ZNF438: variants seen among roughly 807,000 people sequenced by gnomAD.
ZNF438 encodes zinc finger protein 438.
Under a neutral mutation model 38.0 loss-of-function variants are expected in ZNF438, and 25 were observed. The observed-to-expected ratio is 0.66, with a 90% CI of 0.48 to 0.92. ZNF438 has a LOEUF of 0.92. Among genes scored for constraint, ZNF438 ranks in the 40% least tolerant of loss-of-function variants. The probability of loss-of-function intolerance (pLI) is 0.00; values close to 1 mark genes in which losing one functional copy is unlikely to be tolerated. For missense variants in ZNF438, 1,007 were observed against 999.6 expected (o/e 1.01, Z -0.10); for synonymous variants, 372 against 364.1 (o/e 1.02, Z -0.25).
intron 1 of ZNF438, among the ~76,000 whole-genome samples, chr10:31,025,027 T>C (rs1332130874): frequency 6.6e-6 from 1 of 152,128 alleles, no homozygotes; most frequent in Non-Finnish European, 1.5e-5. Flanking sequence ...TATTATTAGC[T>C]CCAAGAATTA....
At chr10:31,007,334 T>C (rs1189660765) in intron 1 of ZNF438, among the ~76,000 whole-genome samples, 1 of 147,740 alleles carries the variant, frequency 6.8e-6, no homozygotes, top group South Asian at 2.1e-4. Context: ...CTGGCTGAAG[T>C]GCAGTGGCGT....
intron 4 of ZNF438, among the ~76,000 whole-genome samples, chr10:30,873,022 T>C (rs1270236766): frequency 6.6e-6 from 1 of 152,214 alleles, no homozygotes; most frequent in Non-Finnish European, 1.5e-5. Context: ...ATATGGGAAG[T>C]AAATAAATTC....
At chr10:30,951,088 T>C (rs917461248) in intron 1 of ZNF438, among the ~76,000 whole-genome samples, 4 of 143,112 alleles carry the variant, frequency 2.8e-5, no homozygotes, top group African/African-American at 7.7e-5. Context: ...GCAAGGCTGG[T>C]TCAATATACG....
intron 2 of ZNF438, among the ~76,000 whole-genome samples, chr10:30,924,410 AT>A (rs1237370072): frequency 6.6e-6 from 1 of 152,202 alleles, no homozygotes; most frequent in African/African-American, 2.4e-5. Context: ...CAAGGAGGCA[AT>A]CATGATGAAT....
At chr10:30,950,979 C>A (rs202020408) in intron 1 of ZNF438, among the ~76,000 whole-genome samples, 1 of 140,570 alleles carries the variant, frequency 7.1e-6, no homozygotes, top group Non-Finnish European at 1.5e-5. Context: ...CCTTGATGAA[C>A]ATTGATGCAA....
intron 1 of ZNF438, among the ~76,000 whole-genome samples, chr10:30,968,392 A>C (rs911331762): frequency 4.0e-5 from 6 of 151,498 alleles, no homozygotes; most frequent in South Asian, 2.1e-4. Flanking sequence ...AGTTTCTTCA[A>C]TATTCTAAGC....
chr10:30,904,760 C>A (rs2994624), intron 3 of ZNF438, among the ~76,000 whole-genome samples: 118,632 of 152,016 alleles, frequency 0.78, 47,063 homozygotes, highest in African/African-American at 0.89. Context: ...GTCTTTACAC[C>A]TGTTGGCCCC....
intron 1 of ZNF438, among the ~76,000 whole-genome samples, chr10:31,010,891 T>G (rs376229265): frequency 2.3e-5 from 1 of 43,428 alleles, no homozygotes; most frequent in Non-Finnish European, 3.7e-5. Context: ...AGACCCTGTT[T>G]GAAAAAAAAA....
chr10:31,007,529 C>G (rs551015338), intron 1 of ZNF438, among the ~76,000 whole-genome samples: 1 of 152,278 alleles, frequency 6.6e-6, no homozygotes, highest in South Asian at 2.1e-4. Flanking sequence ...ATCTGCCCGC[C>G]TTGGCCTCCC....
intron 1 of ZNF438, among the ~76,000 whole-genome samples, chr10:31,010,537 A>T (rs1298072910): frequency 6.6e-6 from 1 of 152,158 alleles, no homozygotes; most frequent in Non-Finnish European, 1.5e-5. Flanking sequence ...TCTAAACTAT[A>T]GTACATCTAT....
At chr10:31,001,691 A>G (rs768724048) in intron 1 of ZNF438, among the ~76,000 whole-genome samples, 3 of 152,090 alleles carry the variant, frequency 2.0e-5, no homozygotes, top group African/African-American at 7.2e-5. Context: ...AAATTTTGCC[A>G]TAAGTTACAC....
chr10:31,005,226 T>C (rs1348927645), intron 1 of ZNF438, among the ~76,000 whole-genome samples: 2 of 152,130 alleles, frequency 1.3e-5, no homozygotes, highest in Non-Finnish European at 2.9e-5. Flanking sequence ...ACAACCAAAG[T>C]GTCTGTCAAC....
chr10:30,938,777 CTTTATTTA>C (rs61394565), intron 2 of ZNF438, among the ~76,000 whole-genome samples: 157 of 149,664 alleles, frequency 1.0e-3, no homozygotes, highest in Non-Finnish European at 1.8e-3. Flanking sequence ...GGGAAGCAAA[CTTTATTTA>C]TTTATTTATT....
intron 4 of ZNF438, among the ~76,000 whole-genome samples, chr10:30,851,344 A>G (rs570324661): frequency 3.3e-5 from 5 of 152,338 alleles, no homozygotes; most frequent in Admixed American, 6.5e-5. Flanking sequence ...TGAATTATCT[A>G]TTTTATTCTC....
intron 1 of ZNF438, among the ~76,000 whole-genome samples, chr10:30,990,896 C>T (rs950327243): frequency 2.1e-4 from 32 of 151,464 alleles, no homozygotes; most frequent in African/African-American, 7.8e-4. Context: ...CAAGAGACAA[C>T]TTCCAGAATG....
intron 4 of ZNF438, among the ~76,000 whole-genome samples, chr10:30,853,822 C>T (rs943360186): frequency 1.3e-5 from 2 of 151,686 alleles, no homozygotes; most frequent in African/African-American, 4.9e-5. Context: ...CATGGTGAAA[C>T]CGTTTCTACT....
At chr10:30,961,118 G>A in intron 1 of ZNF438, among the ~76,000 whole-genome samples, 1 of 141,152 alleles carries the variant, frequency 7.1e-6, no homozygotes, top group Non-Finnish European at 1.6e-5. Context: ...TATCTTACCA[G>A]ATTTATCTTA....
intron 1 of ZNF438, among the ~76,000 whole-genome samples, chr10:31,014,992 A>G (rs2056069900): frequency 6.6e-6 from 1 of 152,132 alleles, no homozygotes; most frequent in African/African-American, 2.4e-5. Flanking sequence ...TGAGTAGCAG[A>G]GACTACAGGC....
chr10:30,977,831 A>T (rs1383192338), intron 1 of ZNF438, among the ~76,000 whole-genome samples: 3 of 152,026 alleles, frequency 2.0e-5, no homozygotes, highest in Non-Finnish European at 2.9e-5. Context: ...AAAAATACAA[A>T]AACTAGCCGG....
Sources: gnomAD v4.1 joint callset for allele counts (sites outside exome capture counted in the v4.1 genomes callset) on GRCh38, gnomAD v4.1.1 for gene constraint, MANE v1.5 for transcripts, NCBI Gene and HGNC (gene_info 2026-07-23, HGNC 2026-07-21) for gene names.